The following AFF3 variants were observed in gnomAD, a reference collection of about 807,000 sequenced individuals.
The protein encoded by AFF3 is AF4/FMR2 family member 3.
Under a neutral mutation model 129.7 loss-of-function variants are expected in AFF3, and 32 were observed. That is an observed-to-expected ratio of 0.25 (90% CI 0.19 to 0.33). AFF3 has a LOEUF of 0.33. Ranked by LOEUF, AFF3 falls within the 10% of genes least tolerant of loss-of-function variation. The pLI is 1.00. For synonymous variants in AFF3, 644 were observed against 635.4 expected, an observed-to-expected ratio of 1.01 and a Z score of -0.20; for missense variants, 1,373 against 1,592.0, an observed-to-expected ratio of 0.86 and a Z score of 2.34.
chr2:100,016,725 A>T (rs969608021), intron 4 of AFF3, among the ~76,000 whole-genome samples: 6 of 141,050 alleles, frequency 4.3e-5, no homozygotes, highest in African/African-American at 1.6e-4. Flanking sequence ...GGTGGTAGCG[A>T]TGGTGATAGT....
At chr2:99,617,802 C>G (rs1681587721) in intron 13 of AFF3, among the ~76,000 whole-genome samples, 1 of 152,110 alleles carries the variant, frequency 6.6e-6, no homozygotes. Context: ...CACAACAAAC[C>G]AAAGGAGTAG....
At chr2:100,036,254 T>C (rs555821088) in intron 4 of AFF3, among the ~76,000 whole-genome samples, 1 of 151,390 alleles carries the variant, frequency 6.6e-6, no homozygotes, top group African/African-American at 2.4e-5. Flanking sequence ...GCCAGCCCTT[T>C]CCCAGCCACC....
chr2:99,798,296 AT>A (rs1203050933), intron 8 of AFF3, among the ~76,000 whole-genome samples: 2 of 152,020 alleles, frequency 1.3e-5, no homozygotes, highest in Non-Finnish European at 2.9e-5. Context: ...AAACAAAAAA[AT>A]AACTCAATGC....
At chr2:99,701,300 CA>C (rs144574170) in intron 11 of AFF3, among the ~76,000 whole-genome samples, 5,513 of 152,146 alleles carry the variant, frequency 0.036, 344 homozygotes, top group African/African-American at 0.13. Context: ...TCCTAATGCC[CA>C]GGAAGCAAAA....
rs773141691 is a variant in AFF3 at position 100,007,305 on chromosome 2, T to C, written c.330A>G (p.Glu110=). The change falls in exon 6 of 25, where the codon GAA becomes GAG. Residue 110 remains glutamate (E), a synonymous_variant. Coordinates refer to ENST00000672756, the MANE Select transcript of AFF3 (RefSeq NM_001386135.1). ...VPQTPVNKID[E]HFVADSRAQN... is the part of the protein sequence containing the mutation. ...GGGCTCTTGAATCTGCAACAAAATGTTCATCGATCTTGTTCACAGGAGTCT... is the reference window on the plus strand; with the variant it reads ...GGGCTCTTGAATCTGCAACAAAATGCTCATCGATCTTGTTCACAGGAGTCT... The C allele has an allele frequency of 1.2e-6, 2 of 1,614,132 alleles. No individual in the cohort carries two copies. Among genetic ancestry groups the C allele is most frequent in the East Asian group, 4.5e-5 (2 of 44,870 alleles).
intron 7 of AFF3, among the ~76,000 whole-genome samples, chr2:99,960,261 TC>T (rs1351233818): frequency 1.3e-5 from 2 of 152,110 alleles, no homozygotes; most frequent in Admixed American, 1.3e-4. Flanking sequence ...GAGTAATTAC[TC>T]CCCCAGAACT....
intron 7 of AFF3, among the ~76,000 whole-genome samples, chr2:99,901,730 C>G (rs1694356765): frequency 6.6e-6 from 1 of 152,148 alleles, no homozygotes; most frequent in Non-Finnish European, 1.5e-5. Flanking sequence ...CAAATTGTTG[C>G]AGTCACCTCC....
In AFF3 at chr2:100,007,387, A is replaced by G; in HGVS notation, c.248T>C (p.Leu83Ser). The G allele has an allele frequency of 6.2e-7, 1 of 1,614,154 alleles. No individual in the cohort carries two copies. Among genetic ancestry groups the G allele is most frequent in the Non-Finnish European group, 8.5e-7 (1 of 1,180,006 alleles). The change falls in exon 6 of 25, where the codon TTA becomes TCA. Residue 83 changes from leucine to serine, a missense_variant. Physicochemically the swap from Leu to Ser is moderately radical, Grantham distance 145. Transcript: ENST00000672756. ...ATGACTCTGATTGGATCTATCAGTT[A>G]AAAAGTCTTTCATTTCATCATAATT... The part of the protein sequence containing the change: ...LGNYDEMKDF[L>S]TDRSNQSHLV...
rs555975438 is a variant in AFF3, at chr2:99,636,725, C to T, written c.1184+12901G>A. ...AGGACACGACGTGGCAGTGGGCCAG[C>T]CAGCCACAGCCGGGAGCCAGCACAG... is the stretch of plus-strand genomic sequence containing the variant. On this transcript the variant is annotated intron_variant, in intron 13 of 24. Coordinates refer to ENST00000672756, the MANE Select transcript of AFF3 (RefSeq NM_001386135.1). 5.9e-5 allele frequency among the ~76,000 whole-genome samples: 9 copies of T among 152,306 alleles called. No homozygotes were observed. In the East Asian group the frequency reaches 1.7e-3, roughly 29 times the overall value.
At chr2:99,750,006 C>T (rs1030988906) in intron 9 of AFF3, among the ~76,000 whole-genome samples, 4 of 152,056 alleles carry the variant, frequency 2.6e-5, no homozygotes, top group Admixed American at 6.5e-5. Flanking sequence ...AATCCTACAT[C>T]GTAACATCCA....
intron 1 of AFF3, among the ~76,000 whole-genome samples, chr2:100,130,070 C>T (rs1381757574): frequency 6.6e-6 from 1 of 152,130 alleles, no homozygotes; most frequent in Admixed American, 6.5e-5. Context: ...AATCCCTGTC[C>T]TAAGGGAGGC....
At chr2:99,701,921 T>C (rs1368968400) in intron 11 of AFF3, among the ~76,000 whole-genome samples, 7 of 152,238 alleles carry the variant, frequency 4.6e-5, no homozygotes, top group Non-Finnish European at 1.0e-4. Flanking sequence ...GAAGTATCTA[T>C]CCTTTTGAAA....
At chr2:100,056,037 C>T (rs1314552355) in intron 4 of AFF3, among the ~76,000 whole-genome samples, 1 of 108,198 alleles carries the variant, frequency 9.2e-6, no homozygotes, top group South Asian at 3.3e-4. Flanking sequence ...TCACTTAGAA[C>T]AAAAAAAAAA....
At chr2:99,809,738 T>C (rs1686644178) in intron 8 of AFF3, among the ~76,000 whole-genome samples, 2 of 152,122 alleles carry the variant, frequency 1.3e-5, no homozygotes, top group Admixed American at 1.3e-4. Flanking sequence ...TCCTGATGAG[T>C]CCCACATCCC....
At chr2:99,863,644 T>C (rs540196317) in intron 7 of AFF3, among the ~76,000 whole-genome samples, 27 of 152,348 alleles carry the variant, frequency 1.8e-4, no homozygotes, top group South Asian at 1.2e-3. Flanking sequence ...TATTATTTAA[T>C]GGAGACTAAT....
At chr2:99,883,960 G>A (rs187979862) in intron 7 of AFF3, among the ~76,000 whole-genome samples, 202 of 152,134 alleles carry the variant, frequency 1.3e-3, no homozygotes, top group African/African-American at 4.3e-3. Flanking sequence ...CCATGAAGTC[G>A]CCAACCATTA....
chr2:99,879,840 A>C (rs1172836088), intron 7 of AFF3, among the ~76,000 whole-genome samples: 2 of 152,236 alleles, frequency 1.3e-5, no homozygotes, highest in Non-Finnish European at 2.9e-5. Context: ...ATGGGAACAG[A>C]TAAAGTAGCT....
chr2:99,803,656 G>T (rs1403314109), intron 8 of AFF3, among the ~76,000 whole-genome samples: 8 of 152,180 alleles, frequency 5.3e-5, no homozygotes, highest in East Asian at 1.9e-4. Flanking sequence ...AAAGCCAGAG[G>T]CATCACACGA....
chr2:99,745,019 A>G (rs1269835623), intron 9 of AFF3, among the ~76,000 whole-genome samples: 1 of 152,200 alleles, frequency 6.6e-6, no homozygotes, highest in Non-Finnish European at 1.5e-5. Context: ...GTTCCAATTT[A>G]TCTACACCCT....
Sources: gnomAD v4.1 joint callset for allele counts (sites outside exome capture counted in the v4.1 genomes callset) on GRCh38, gnomAD v4.1.1 for gene constraint, MANE v1.5 for transcripts, NCBI Gene and HGNC (gene_info 2026-07-23, HGNC 2026-07-21) for gene names.